The following KIF26B variants were observed in gnomAD, a reference collection of about 807,000 sequenced individuals.
The protein encoded by KIF26B is kinesin family member 26B.
KIF26B carries 63 observed loss-of-function variants against 151.2 expected under a neutral mutation model. That is an observed-to-expected ratio of 0.42 (90% CI 0.34 to 0.51). The LOEUF (loss-of-function observed/expected upper bound fraction) is 0.51. Among genes scored for constraint, KIF26B ranks in the 20% least tolerant of loss-of-function variants. The pLI, the probability that KIF26B is intolerant of heterozygous loss-of-function variation, is 0.07. For synonymous variants in KIF26B, 1,357 were observed against 1,262.1 expected (o/e 1.08, Z -1.59); for missense variants, 2,813 against 2,913.6 (o/e 0.97, Z 0.79).
chr1:245,470,856 A>T (rs1029939343), intron 4 of KIF26B, among the ~76,000 whole-genome samples: 1 of 151,962 alleles, frequency 6.6e-6, no homozygotes, highest in Non-Finnish European at 1.5e-5. Flanking sequence ...TCAGATGCTC[A>T]TTTCCTTCTG....
At chr1:245,264,377 GGTATCTCTAATA>G (rs901772600) in intron 2 of KIF26B, among the ~76,000 whole-genome samples, 2 of 152,058 alleles carry the variant, frequency 1.3e-5, no homozygotes, top group Admixed American at 6.6e-5. Context: ...TGTCTTTATT[GGTATCTCTAATA>G]GTTGGATTTG....
At chr1:245,313,969 G>A (rs1198260118) in intron 2 of KIF26B, among the ~76,000 whole-genome samples, 1 of 152,126 alleles carries the variant, frequency 6.6e-6, no homozygotes, top group Non-Finnish European at 1.5e-5. Flanking sequence ...TCTCAAAAGA[G>A]CGTTTCTCTC....
intron 2 of KIF26B, among the ~76,000 whole-genome samples, chr1:245,311,286 G>A (rs920501549): frequency 6.6e-6 from 1 of 152,140 alleles, no homozygotes; most frequent in Non-Finnish European, 1.5e-5. Context: ...AGGGTGGTCC[G>A]TGTTGGGTCT....
intron 9 of KIF26B, among the ~76,000 whole-genome samples, chr1:245,633,294 T>A (rs80085546): frequency 3.9e-4 from 57 of 144,564 alleles, no homozygotes; most frequent in African/African-American, 7.0e-4. Flanking sequence ...TTTTTTTTTT[T>A]AAATAAATCC....
chr1:245,661,000 T>TC (rs1228637436), intron 10 of KIF26B, among the ~76,000 whole-genome samples: 3 of 150,972 alleles, frequency 2.0e-5, no homozygotes, highest in Non-Finnish European at 3.0e-5. Flanking sequence ...TTTTTTTTTT[T>TC]TTTGGAGACA....
intron 4 of KIF26B, among the ~76,000 whole-genome samples, chr1:245,520,235 T>C (rs1443512505): frequency 6.6e-6 from 1 of 151,708 alleles, no homozygotes; most frequent in Non-Finnish European, 1.5e-5. Flanking sequence ...ACTTTTGGAA[T>C]TGTCCTTATG....
chr1:245,486,345 AAAG>A lies in KIF26B; in HGVS notation c.1167-54415_1167-54413del, dbSNP rs201118172. Among the ~76,000 whole-genome samples, 340 of 152,286 alleles carry A rather than the reference AAAG, an allele frequency of 2.2e-3. 16 individuals carry two copies. In the East Asian group the frequency reaches 0.052, roughly 23 times the overall value. ...GTCAATTTGATAAATCATTTTCAGG[AAAG>A]AAGAAGTTTCAGCAAAGTATAAGAT... On this transcript the variant is annotated intron_variant, in intron 4 of 14. Coordinates refer to ENST00000407071, the MANE Select transcript of KIF26B (RefSeq NM_018012.4).
intron 4 of KIF26B, among the ~76,000 whole-genome samples, chr1:245,527,189 T>C (rs567197353): frequency 3.3e-5 from 5 of 152,352 alleles, no homozygotes; most frequent in African/African-American, 1.2e-4. Flanking sequence ...CTTCGATTCT[T>C]GAAATCAGAT....
intron 2 of KIF26B, chr1:245,216,070 AAATT>A (rs1308659275): frequency 1.3e-5 from 2 of 152,032 alleles, no homozygotes; most frequent in South Asian, 4.1e-4. Context: ...TCTAAAAAAA[AAATT>A]AATTAATTAA....
At chr1:245,619,603 C>CAAAAAAAAAAA (rs34022501) in intron 9 of KIF26B, among the ~76,000 whole-genome samples, 33 of 110,744 alleles carry the variant, frequency 3.0e-4, no homozygotes, top group Admixed American at 7.3e-4. Context: ...GAAACTGTTT[C>CAAAAAAAAAAA]AAAAAAAAAA....
intron 4 of KIF26B, among the ~76,000 whole-genome samples, chr1:245,421,681 C>T (rs909733420): frequency 6.6e-6 from 1 of 152,054 alleles, no homozygotes; most frequent in African/African-American, 2.4e-5. Flanking sequence ...CACAAGGCAA[C>T]CCAGAAGATT....
At chr1:245,275,843 A>T (rs1380362297) in intron 2 of KIF26B, among the ~76,000 whole-genome samples, 1 of 152,176 alleles carries the variant, frequency 6.6e-6, no homozygotes, top group Non-Finnish European at 1.5e-5. Flanking sequence ...TCAGTCTAGT[A>T]GCAAGGAACT....
intron 3 of KIF26B, among the ~76,000 whole-genome samples, chr1:245,415,056 A>G (rs1234483361): frequency 2.0e-5 from 3 of 152,196 alleles, no homozygotes; most frequent in Non-Finnish European, 4.4e-5. Flanking sequence ...TGAAGTGGAA[A>G]CAATAGCCAA....
At chr1:245,297,960 C>T (rs966361134) in intron 2 of KIF26B, among the ~76,000 whole-genome samples, 2 of 152,166 alleles carry the variant, frequency 1.3e-5, no homozygotes, top group African/African-American at 4.8e-5. Flanking sequence ...GATGTTGGCT[C>T]ACTGCAACCT....
intron 5 of KIF26B, among the ~76,000 whole-genome samples, chr1:245,586,618 T>G (rs1012556491): frequency 6.6e-6 from 1 of 151,272 alleles, no homozygotes; most frequent in African/African-American, 2.4e-5. Flanking sequence ...GCGCGGTGGC[T>G]CACGCCTGTA....
At chr1:245,551,850 G>C (rs1218988363) in intron 5 of KIF26B, among the ~76,000 whole-genome samples, 1 of 152,088 alleles carries the variant, frequency 6.6e-6, no homozygotes, top group Non-Finnish European at 1.5e-5. Context: ...CCAACCCCAG[G>C]TTATCCAGGC....
chr1:245,565,749 A>C (rs904276584), intron 5 of KIF26B, among the ~76,000 whole-genome samples: 7 of 152,212 alleles, frequency 4.6e-5, no homozygotes, highest in African/African-American at 1.7e-4. Flanking sequence ...ATGTGGCCTT[A>C]CTTTGAAGAT....
chr1:245,309,958 A>G lies in KIF26B; in HGVS notation c.466-56876A>G, dbSNP rs1339023271. Among the ~76,000 whole-genome samples the G allele has an allele frequency of 6.1e-5, 9 of 147,416 alleles. No homozygotes were observed. The East Asian group carries it at 1.2e-3, about 19-fold the overall frequency. On this transcript the variant is annotated intron_variant, in intron 2 of 14. Coordinates refer to ENST00000407071, the MANE Select transcript of KIF26B (RefSeq NM_018012.4). ...TCTCTCTCTCACTATATGTATATAT[A>G]TCCTATTAGTCCTGTTTCTCCAGAG...
At chr1:245,253,447 T>G (rs1670479357) in intron 2 of KIF26B, among the ~76,000 whole-genome samples, 1 of 152,176 alleles carries the variant, frequency 6.6e-6, no homozygotes, top group Non-Finnish European at 1.5e-5. Context: ...TAACATTTCA[T>G]TTGGAAGTTT....
Sources: allele counts gnomAD v4.1 joint callset (sites outside exome capture counted in the v4.1 genomes callset), GRCh38; gene constraint gnomAD v4.1.1; transcripts MANE v1.5; gene names NCBI Gene and HGNC (gene_info 2026-07-23, HGNC 2026-07-21).